KDM6A: variants seen among roughly 807,000 people sequenced by gnomAD.
KDM6A encodes the protein lysine-specific demethylase 6A.
In KDM6A, 11 loss-of-function variants were observed where a neutral mutation model predicts 117.6. That is an observed-to-expected ratio of 0.09 (90% CI 0.06 to 0.15). The LOEUF is 0.15. Among genes scored for constraint, KDM6A ranks in the 10% least tolerant of loss-of-function variants. The pLI, the probability that KDM6A is intolerant of heterozygous loss-of-function variation, is 1.00. For missense variants in KDM6A, 799 were observed against 1,077.3 expected (o/e 0.74, Z 3.62); for synonymous variants, 384 against 396.1 (o/e 0.97, Z 0.36).
chrX:44,913,437 T>G (rs755707565), intron 2 of KDM6A, among the ~76,000 whole-genome samples: 1 of 108,927 alleles, frequency 9.2e-6, no homozygotes. Context: ...TAAATGAGAT[T>G]ACAGGCACTC....
Position 45,075,751 on chromosome X carries a change from T to C in KDM6A, c.2859-946T>C, listed in dbSNP as rs189804721. ...AAAATTAATTTTGTTTCAACCTGTT[T>C]TATTCTTTGTGATGAAAATAGCTAA... is the stretch of plus-strand genomic sequence containing the variant. On this transcript the variant is annotated intron_variant, in intron 18 of 29. Coordinates refer to ENST00000611820, the MANE Select transcript of KDM6A (RefSeq NM_001291415.2). Among the ~76,000 whole-genome samples, 4 of 111,857 alleles carry C rather than the reference T, an allele frequency of 3.6e-5. No homozygotes were observed. The Admixed American group carries it at 3.8e-4, about 11-fold the overall frequency.
At position 45,110,533 on chromosome X, in the gene KDM6A, A is replaced by G. The variant is rs776909746; in HGVS notation, c.4332+284A>G. Among the ~76,000 whole-genome samples the G allele has an allele frequency of 6.3e-5, 7 of 111,829 alleles. No individual in the cohort carries two copies. In the East Asian group the frequency reaches 1.7e-3, roughly 27 times the overall value. ...TGCGTGCTTTAGATAGAACACTATC[A>G]TATCCTTTATGTCATTTTATCTCAG... On this transcript the variant is annotated intron_variant, in intron 29 of 29. Transcript: ENST00000611820.
At chrX:44,936,404 T>G in intron 2 of KDM6A, among the ~76,000 whole-genome samples, 1 of 111,953 alleles carries the variant, frequency 8.9e-6, no homozygotes, top group Non-Finnish European at 1.9e-5. Context: ...CAATATCTTT[T>G]TTAACAGTTT....
chrX:44,927,297 A>G (rs756856477), intron 2 of KDM6A, among the ~76,000 whole-genome samples: 2 of 111,228 alleles, frequency 1.8e-5, no homozygotes, highest in Non-Finnish European at 3.8e-5. Flanking sequence ...TATTTTCAAT[A>G]TGCAGTTGGT....
chrX:44,898,130 G>A (rs1287099098), intron 2 of KDM6A, among the ~76,000 whole-genome samples: 1 of 111,327 alleles, frequency 9.0e-6, no homozygotes, highest in African/African-American at 3.3e-5. Flanking sequence ...ACTTTCTGAC[G>A]GGCCATGCTG....
In KDM6A at chrX:45,042,096, A is replaced by C. The variant is rs754366794; in HGVS notation, c.654+4407A>C. Reference sequence around the variant, plus strand: ...AAAACCCCCTCTCCACCAAAAAAAAACGAAAACCAGTCAGGCGTGGCGGCA... The same window carrying C: ...AAAACCCCCTCTCCACCAAAAAAAACCGAAAACCAGTCAGGCGTGGCGGCA... On this transcript the variant is annotated intron_variant, in intron 8 of 29. Coordinates refer to ENST00000611820, the MANE Select transcript of KDM6A (RefSeq NM_001291415.2). 4.5e-5 allele frequency among the ~76,000 whole-genome samples: 5 copies of C among 109,892 alleles called. No individual in the cohort carries two copies. In the South Asian group the frequency reaches 1.2e-3, roughly 26 times the overall value.
rs2147960725 is a variant in KDM6A, at chrX:45,059,327, C to G, written c.1055C>G (p.Ala352Gly). 3.3e-6 allele frequency: 4 copies of G among 1,211,150 alleles called. No individual in the cohort carries two copies. The highest frequency in any genetic ancestry group is 4.5e-6 in the Non-Finnish European group (4 of 895,102). The change falls in exon 12 of 30, where the codon GCT (alanine) becomes GGT (glycine). Residue 352 changes from alanine to glycine, a missense_variant. Coordinates refer to ENST00000611820, the MANE Select transcript of KDM6A (RefSeq NM_001291415.2). ...GCTGTACAATTGGACCATGGCCATG[C>G]TGCAGCCTGGATGGACCTAGGCACT... The part of the protein sequence containing the change: ...ICAVQLDHGH[A>G]AAWMDLGTLY...
At chrX:45,107,634 G>A (rs2148291549) in intron 28 of KDM6A, 98 bp downstream of exon 28, 1 of 856,251 alleles carries the variant, frequency 1.2e-6, no homozygotes, top group Non-Finnish European at 1.7e-6. Context: ...ATACTTTTAT[G>A]TAATCCAGTT....
intron 4 of KDM6A, among the ~76,000 whole-genome samples, chrX:44,996,148 C>T (rs1033075422): frequency 2.7e-5 from 3 of 110,338 alleles, no homozygotes; most frequent in African/African-American, 9.9e-5. Flanking sequence ...ACAATTGTAG[C>T]GCACTGCAGC....
At chrX:45,022,119 A>G (rs1248090845) in intron 6 of KDM6A, among the ~76,000 whole-genome samples, 2 of 112,250 alleles carry the variant, frequency 1.8e-5, no homozygotes, top group Non-Finnish European at 3.8e-5. Flanking sequence ...GGGAAAAGCA[A>G]TCAGATGTGT....
intron 2 of KDM6A, among the ~76,000 whole-genome samples, chrX:44,892,843 A>G (rs186949345): frequency 3.7e-5 from 4 of 108,188 alleles, no homozygotes; most frequent in Non-Finnish European, 7.7e-5. Context: ...TCTCTACTAA[A>G]AATACAAAAG....
chrX:45,048,974 C>A (rs1174688647), intron 8 of KDM6A, among the ~76,000 whole-genome samples: 2 of 111,007 alleles, frequency 1.8e-5, no homozygotes, highest in Non-Finnish European at 3.8e-5. Flanking sequence ...TAGTGACAGA[C>A]ACTTAGGTTG....
intron 2 of KDM6A, among the ~76,000 whole-genome samples, chrX:44,945,508 C>G (rs776621469): frequency 3.5e-4 from 39 of 110,699 alleles, no homozygotes; most frequent in Non-Finnish European, 6.4e-4. Context: ...AAGAATATCA[C>G]TTCAGTAATT....
At chrX:45,100,140 G>A (rs1328069542) in intron 27 of KDM6A, among the ~76,000 whole-genome samples, 2 of 111,624 alleles carry the variant, frequency 1.8e-5, no homozygotes, top group African/African-American at 6.5e-5. Flanking sequence ...ATACTAAGAC[G>A]CTTTACGTCA....
At chrX:44,949,345 A>G (rs1272918416) in intron 2 of KDM6A, among the ~76,000 whole-genome samples, 1 of 111,948 alleles carries the variant, frequency 8.9e-6, no homozygotes, top group Non-Finnish European at 1.9e-5. Flanking sequence ...AGTGAACATG[A>G]TGGTGTGCCT....
intron 6 of KDM6A, among the ~76,000 whole-genome samples, chrX:45,030,855 C>T (rs1443251150): frequency 9.0e-6 from 1 of 110,810 alleles, no homozygotes; most frequent in Non-Finnish European, 1.9e-5. Context: ...CCACCATACC[C>T]TGCTAATTTT....
At chrX:45,098,127 C>T (rs1181886464) in intron 27 of KDM6A, among the ~76,000 whole-genome samples, 1 of 111,797 alleles carries the variant, frequency 8.9e-6, no homozygotes, top group Non-Finnish European at 1.9e-5. Context: ...AGTGTCTTTC[C>T]CTGGTTTATG....
intron 2 of KDM6A, among the ~76,000 whole-genome samples, chrX:44,922,844 CAT>C (rs748450037): frequency 4.4e-5 from 5 of 112,866 alleles, no homozygotes; most frequent in South Asian, 3.6e-4. Context: ...TATTTGCTCA[CAT>C]GTTTACTATT....
chrX:45,022,699 T>G (rs1185952713), intron 6 of KDM6A, among the ~76,000 whole-genome samples: 18 of 112,160 alleles, frequency 1.6e-4, no homozygotes, highest in Admixed American at 1.4e-3. Flanking sequence ...TGGATAAATG[T>G]GGAACCTCTG....
Sources: allele counts gnomAD v4.1 joint callset (sites outside exome capture counted in the v4.1 genomes callset), GRCh38; gene constraint gnomAD v4.1.1; transcripts MANE v1.5; gene names NCBI Gene and HGNC (gene_info 2026-07-23, HGNC 2026-07-21).